The following ANK2 variants were observed in gnomAD, a reference collection of about 807,000 sequenced individuals.
ANK2 encodes the protein ankyrin 2.
In ANK2, 83 loss-of-function variants were observed where a neutral mutation model predicts 360.5. The ratio of observed to expected loss-of-function variants is 0.23; its 90% CI spans 0.19 to 0.28. The LOEUF is 0.28. ANK2 is among the 10% of genes least tolerant of loss of function. ANK2 has a pLI of 1.00. For synonymous variants in ANK2, 1,740 were observed against 1,759.5 expected (o/e 0.99, Z 0.28); for missense variants, 4,201 against 4,795.7 (o/e 0.88, Z 3.66).
At chr4:112,826,285 CTA>C in intron 1 of ANK2, 1 of 572,838 alleles carries the variant, frequency 1.7e-6, no homozygotes, top group Non-Finnish European at 2.9e-6. Flanking sequence ...CTATAAATTT[CTA>C]TAGAGTTGTG....
chr4:113,327,042 C>A (rs1296388507), intron 26 of ANK2, among the ~76,000 whole-genome samples: 2 of 152,126 alleles, frequency 1.3e-5, no homozygotes, highest in Admixed American at 6.6e-5. Context: ...ATTATGCATA[C>A]TGGCACCTGA....
intron 2 of ANK2, among the ~76,000 whole-genome samples, chr4:113,185,875 T>A (rs2098511893): frequency 6.6e-6 from 1 of 152,176 alleles, no homozygotes; most frequent in African/African-American, 2.4e-5. Flanking sequence ...CCATCTTGAG[T>A]TGATTTTTGA....
intron 1 of ANK2, among the ~76,000 whole-genome samples, chr4:112,838,071 T>A (rs561440979): frequency 8.5e-5 from 13 of 152,210 alleles, no homozygotes; most frequent in African/African-American, 2.6e-4. Context: ...TCATCTTGAA[T>A]TGTAGTCCCC....
At chr4:112,947,214 G>A (rs749162836) in intron 2 of ANK2, among the ~76,000 whole-genome samples, 9 of 152,218 alleles carry the variant, frequency 5.9e-5, no homozygotes, top group South Asian at 4.2e-4. Flanking sequence ...TTTATGAAGC[G>A]TAGTTACTTT....
intron 45 of ANK2, among the ~76,000 whole-genome samples, chr4:113,375,296 C>G (rs2096885096): frequency 6.6e-6 from 1 of 152,118 alleles, no homozygotes; most frequent in Non-Finnish European, 1.5e-5. Flanking sequence ...AAAGACATTG[C>G]AAATTATATT....
chr4:112,890,478 GT>G (rs1263646041), intron 1 of ANK2, among the ~76,000 whole-genome samples: 1 of 140,846 alleles, frequency 7.1e-6, no homozygotes, highest in Non-Finnish European at 1.5e-5. Context: ...AAATGGATTT[GT>G]TTTCCTACAT....
At chr4:113,257,140 G>A (rs1043789276) in intron 11 of ANK2, among the ~76,000 whole-genome samples, 1 of 152,186 alleles carries the variant, frequency 6.6e-6, no homozygotes, top group East Asian at 1.9e-4. Flanking sequence ...GTGTAAAAAC[G>A]TTGACTGATG....
At chr4:113,233,427 G>A (rs1414564852) in intron 5 of ANK2, among the ~76,000 whole-genome samples, 4 of 151,994 alleles carry the variant, frequency 2.6e-5, no homozygotes, top group African/African-American at 9.7e-5. Flanking sequence ...GAGCCACCGC[G>A]CCCGGCCTTT....
intron 1 of ANK2, among the ~76,000 whole-genome samples, chr4:113,055,275 C>A (rs1280337485): frequency 1.3e-5 from 2 of 152,102 alleles, no homozygotes; most frequent in Non-Finnish European, 2.9e-5. Context: ...GTTGTACATG[C>A]CAGTAGTCCC....
In ANK2 at chr4:113,373,174, G is replaced by T. The variant is rs1398611672; in HGVS notation, c.11694+1G>T. ...GCATGGACACACCGTGGTAAAGAAG[G>T]TATTGTCTAGTATATCCTAACAGGG... On this transcript the variant is annotated splice_donor_variant, in intron 44 of 45. Coordinates refer to ENST00000357077, the MANE Select transcript of ANK2 (RefSeq NM_001148.6). LOFTEE classifies it high-confidence loss of function. 1 of 1,613,586 alleles carries T rather than the reference G, an allele frequency of 6.2e-7. No individual in the cohort carries two copies. The highest frequency in any genetic ancestry group is 1.3e-5 in the African/African-American group (1 of 75,012).
intron 2 of ANK2, among the ~76,000 whole-genome samples, chr4:112,950,387 G>C (rs866214271): frequency 6.6e-6 from 1 of 152,186 alleles, no homozygotes; most frequent in Non-Finnish European, 1.5e-5. Context: ...GCTCACGCCC[G>C]TAATCCCAGC....
chr4:113,290,428 G>A (rs2066946066), intron 20 of ANK2, among the ~76,000 whole-genome samples: 1 of 152,070 alleles, frequency 6.6e-6, no homozygotes, highest in Non-Finnish European at 1.5e-5. Flanking sequence ...AAACTCTCAT[G>A]ATGTGGTATA....
the ANK2 span, among the ~76,000 whole-genome samples, chr4:112,809,145 C>A: frequency 6.6e-6 from 1 of 151,214 alleles, no homozygotes; most frequent in Non-Finnish European, 1.5e-5. Flanking sequence ...AGGCGTGAGC[C>A]ACTGCACCCG....
chr4:113,378,260 T>G, intron 45 of ANK2: 1 of 533,144 alleles, frequency 1.9e-6, no homozygotes, highest in Non-Finnish European at 3.1e-6. Flanking sequence ...AAGGGGAGAA[T>G]CCCTACATCT....
intron 1 of ANK2, among the ~76,000 whole-genome samples, chr4:113,060,784 T>G (rs2072901934): frequency 6.6e-6 from 1 of 151,768 alleles, no homozygotes; most frequent in African/African-American, 2.4e-5. Context: ...TATTAGATGC[T>G]TTCAGAATAT....
intron 2 of ANK2, among the ~76,000 whole-genome samples, chr4:113,002,913 C>A (rs2051337523): frequency 1.3e-5 from 2 of 152,178 alleles, no homozygotes; most frequent in African/African-American, 4.8e-5. Flanking sequence ...TGGCTCTGTA[C>A]AGACTCTTGC....
At chr4:112,743,527 T>C in the ANK2 span, among the ~76,000 whole-genome samples, 1 of 151,122 alleles carries the variant, frequency 6.6e-6, no homozygotes, top group Non-Finnish European at 1.5e-5. Flanking sequence ...CCTTTCTTTC[T>C]TTCTGTCTCT....
chr4:113,035,161 A>C (rs1250004761), intron 2 of ANK2, among the ~76,000 whole-genome samples: 4 of 151,220 alleles, frequency 2.6e-5, no homozygotes, highest in African/African-American at 4.9e-5. Flanking sequence ...ATGTATCAAA[A>C]GGTACCTTTT....
At chr4:112,743,475 CTT>C in the ANK2 span, among the ~76,000 whole-genome samples, 1 of 150,278 alleles carries the variant, frequency 6.7e-6, no homozygotes, top group Non-Finnish European at 1.5e-5. Flanking sequence ...TAATCTCGGT[CTT>C]TCTCTCTTTC....
Sources: allele counts gnomAD v4.1 joint callset (sites outside exome capture counted in the v4.1 genomes callset), GRCh38; gene constraint gnomAD v4.1.1; transcripts MANE v1.5; gene names NCBI Gene and HGNC (gene_info 2026-07-23, HGNC 2026-07-21).